ALS2: variants seen among roughly 807,000 people sequenced by gnomAD.
ALS2 encodes alsin Rho guanine nucleotide exchange factor ALS2.
ALS2 carries 117 observed loss-of-function variants against 203.4 expected under a neutral mutation model. The ratio of observed to expected loss-of-function variants is 0.58; its 90% CI spans 0.50 to 0.67. The LOEUF is 0.67. Ranked by LOEUF, ALS2 falls within the 30% of genes least tolerant of loss-of-function variation. The pLI is 0.00. For synonymous variants in ALS2, 718 were observed against 725.9 expected (o/e 0.99, Z 0.17); for missense variants, 1,715 against 1,989.4 (o/e 0.86, Z 2.62).
At chr2:201,708,595 C>T (rs1368325143) in intron 27 of ALS2, among the ~76,000 whole-genome samples, 1 of 152,128 alleles carries the variant, frequency 6.6e-6, no homozygotes, top group Non-Finnish European at 1.5e-5. Context: ...TTATTTCCCT[C>T]TGTACTCAAC....
intron 16 of ALS2, 47 bp from the exon 17 acceptor site, chr2:201,727,325 A>G: frequency 1.4e-6 from 2 of 1,422,962 alleles, no homozygotes; most frequent in Middle Eastern, 1.8e-4. Flanking sequence ...ACAACCTGTC[A>G]TTACAGTATC....
intron 27 of ALS2, among the ~76,000 whole-genome samples, 168 bp from the exon 28 acceptor site, chr2:201,708,159 A>G (rs1325921511): frequency 6.6e-6 from 1 of 152,202 alleles, no homozygotes; most frequent in East Asian, 1.9e-4. Flanking sequence ...AATGCAGCTA[A>G]TGAATAATAC....
rs41308828 is a variant in ALS2, at chr2:201,749,909, T to C, written c.1738-120A>G. 832 of 775,890 alleles carry C rather than the reference T, an allele frequency of 1.1e-3. 10 individuals are homozygous for C. In the South Asian group the frequency reaches 0.012, roughly 11 times the overall value. The allele number at this position is 775,890 out of a possible 1,614,324, so 48.1% of individuals were successfully genotyped here. The stretch of plus-strand genomic sequence containing the variant: ...TACCAACAATTATACATTAAGTACT[T>C]ATATTAGTCTTTCACTCTTTAACAG... On this transcript the variant is annotated intron_variant, in intron 7 of 33. Coordinates refer to ENST00000264276, the MANE Select transcript of ALS2 (RefSeq NM_020919.4).
intron 23 of ALS2, among the ~76,000 whole-genome samples, chr2:201,721,733 G>A (rs536886543): frequency 1.4e-4 from 22 of 152,090 alleles, no homozygotes; most frequent in African/African-American, 4.1e-4. Flanking sequence ...CCACGATTTC[G>A]GCTCACTGCA....
In ALS2 at chr2:201,760,980, T is replaced by C; in HGVS notation, c.1014A>G (p.Ser338=). 1 of 1,614,172 alleles carries C rather than the reference T, an allele frequency of 6.2e-7. No individual in the cohort carries two copies. The highest frequency in any genetic ancestry group is 8.5e-7 in the Non-Finnish European group (1 of 1,180,024). ...TEISSARNIP[S]YPDTQAVNEY... is the part of the protein sequence containing the mutation. ...CATTGACTGCTTGGGTGTCAGGGTA[T>C]GATGGTATGTTTCTGGCAGAGGAAA... The change falls in exon 4 of 34, where the codon TCA becomes TCG. Residue 338 remains serine (S), a synonymous_variant. Transcript: ENST00000264276.
At chr2:201,770,018 T>C (rs1694303174) in intron 1 of ALS2, among the ~76,000 whole-genome samples, 1 of 152,232 alleles carries the variant, frequency 6.6e-6, no homozygotes, top group Non-Finnish European at 1.5e-5. Context: ...GAGATATATC[T>C]GAATAAATTT....
intron 27 of ALS2, 101 bp from the exon 28 acceptor site, chr2:201,708,092 C>A: frequency 9.0e-7 from 1 of 1,105,518 alleles, no homozygotes; most frequent in Non-Finnish European, 1.3e-6. Flanking sequence ...GCTTTATTAT[C>A]AACTAAGTAT....
chr2:201,715,991 A>G (rs1156757379), intron 24 of ALS2, 152 bp from the exon 25 acceptor site: 6 of 814,464 alleles, frequency 7.4e-6, no homozygotes, highest in Non-Finnish European at 1.2e-5. Flanking sequence ...ACACTAAATG[A>G]AAATTTTAAA....
In ALS2 at chr2:201,757,524, C is replaced by T; in HGVS notation, c.1349G>A (p.Arg450Lys). ...AIGPEGLKDSREEQVKQESMQ... is the reference protein window; with the variant it reads ...AIGPEGLKDSKEEQVKQESMQ... ...TGATTCCTGTTTAACCTGTTCTTCC[C>T]TGCTATCTTTCAAACCTTCGGGGCC... Residue 450 changes from arginine (R) to lysine (K), a missense_variant, in exon 5 of 34, where the codon AGG (arginine) becomes AAG (lysine). By Grantham distance (26) the Arg-to-Lys change is conservative (BLOSUM62 2). This residue lies in a region of ALS2 where 476 missense variants were observed against 539.3 expected (regional missense o/e 0.88). Coordinates refer to ENST00000264276, the MANE Select transcript of ALS2 (RefSeq NM_020919.4). 1 of 1,614,116 alleles carries T rather than the reference C, an allele frequency of 6.2e-7. No homozygotes were observed. The highest frequency in any genetic ancestry group is 8.5e-7 in the Non-Finnish European group (1 of 1,179,994).
At chr2:201,724,491 T>A (rs746243067) in intron 20 of ALS2, 32 bp from the exon 21 acceptor site, 5 of 1,609,774 alleles carry the variant, frequency 3.1e-6, no homozygotes, top group Non-Finnish European at 4.3e-6. Flanking sequence ...AATTATCACA[T>A]GCACATTGAA....
chr2:201,741,947 CT>C, intron 10 of ALS2, 93 bp from the exon 11 acceptor site: 1 of 1,180,418 alleles, frequency 8.5e-7, no homozygotes. Context: ...TCTAAGACTA[CT>C]TAACCTGTTG....
intron 15 of ALS2, 137 bp from the exon 16 acceptor site, chr2:201,727,912 A>G (rs777991350): frequency 3.2e-5 from 28 of 865,940 alleles, no homozygotes; most frequent in Non-Finnish European, 5.3e-5. Flanking sequence ...AGTTAAGCCC[A>G]TGTAGGTGCC....
At chr2:201,772,158 A>G (rs1694422051) in intron 1 of ALS2, among the ~76,000 whole-genome samples, 1 of 152,234 alleles carries the variant, frequency 6.6e-6, no homozygotes, top group African/African-American at 2.4e-5. Flanking sequence ...GCTTCTTAAT[A>G]AACTGATGCC....
chr2:201,744,459 T>C lies in ALS2; in HGVS notation c.1999-30A>G, dbSNP rs779354586. 111 of 1,599,140 alleles carry C rather than the reference T, an allele frequency of 6.9e-5. No individual in the cohort carries two copies. In the South Asian group the frequency reaches 1.2e-3, roughly 17 times the overall value. ...AACAGAAGAAAACAAAAGGATTAAATATAACATATAATTATGTTACTAATT... is the reference window on the plus strand; with the variant it reads ...AACAGAAGAAAACAAAAGGATTAAACATAACATATAATTATGTTACTAATT... On this transcript the variant is annotated intron_variant, in intron 9 of 33. Coordinates refer to ENST00000264276, the MANE Select transcript of ALS2 (RefSeq NM_020919.4).
At chr2:201,754,014 C>T (rs1693229703) in intron 6 of ALS2, among the ~76,000 whole-genome samples, 3 of 143,240 alleles carry the variant, frequency 2.1e-5, no homozygotes. Flanking sequence ...TTTTCTTTTC[C>T]TTTTTTTTTT....
chr2:201,735,663 T>A (rs1300373105), intron 12 of ALS2, among the ~76,000 whole-genome samples: 1 of 152,250 alleles, frequency 6.6e-6, no homozygotes, highest in Non-Finnish European at 1.5e-5. Flanking sequence ...CTGGGCATGG[T>A]GCTGTGCAAA....
Position 201,761,831 on chromosome 2 carries a change from AAAAAG to A in ALS2, c.176-18_176-14del, listed in dbSNP as rs1360205534. 1.9e-6 allele frequency: 3 copies of A among 1,612,274 alleles called. No individual in the cohort carries two copies. The highest frequency in any genetic ancestry group is 4.5e-5 in the East Asian group (2 of 44,878). On this transcript the variant is annotated splice_polypyrimidine_tract_variant and intron_variant, in intron 3 of 33. Transcript: ENST00000264276. ...TAGACCTCACCATCTGAAGGTTAAA[AAAAAG>A]AAAAAAGAAAAAAAAAAGGGTTAGT... is the stretch of plus-strand genomic sequence containing the variant.
At chr2:201,754,454 G>A in intron 6 of ALS2, 49 bp downstream of exon 6, 1 of 1,611,500 alleles carries the variant, frequency 6.2e-7, no homozygotes, top group Admixed American at 1.7e-5. Flanking sequence ...CCAGGAGAGA[G>A]ATTATTTGTT....
At chr2:201,776,946 T>C (rs534135359) in intron 1 of ALS2, among the ~76,000 whole-genome samples, 7 of 152,292 alleles carry the variant, frequency 4.6e-5, no homozygotes, top group African/African-American at 1.4e-4. Flanking sequence ...TTTAACACAT[T>C]GTCATCAGGT....
Sources: allele counts gnomAD v4.1 joint callset (sites outside exome capture counted in the v4.1 genomes callset), GRCh38; gene constraint gnomAD v4.1.1; regional missense constraint gnomAD v4.1.1; transcripts MANE v1.5; gene names NCBI Gene and HGNC (gene_info 2026-07-23, HGNC 2026-07-21).